IL1RN: variants seen among roughly 807,000 people sequenced by gnomAD.
The protein encoded by IL1RN is interleukin 1 receptor antagonist.
A neutral mutation model predicts 13.7 loss-of-function variants in IL1RN; 10 were observed. The observed-to-expected ratio is 0.73, with a 90% CI of 0.45 to 1.24. The LOEUF (loss-of-function observed/expected upper bound fraction) is 1.24, where lower values mean the gene tolerates loss of function less well. IL1RN is among the 50% of genes most tolerant of loss of function. The pLI is 0.00. For synonymous variants in IL1RN, 102 were observed against 82.7 expected (o/e 1.23, Z -1.27); for missense variants, 213 against 222.1 (o/e 0.96, Z 0.26).
chr2:113,120,159 A>T, intron 2 of IL1RN: 1 of 1,497,738 alleles, frequency 6.7e-7, no homozygotes, highest in African/African-American at 1.4e-5. Context: ...AAGTTTGAAA[A>T]CAATTTTAGG....
chr2:113,132,681 A>C lies in IL1RN; in HGVS notation c.344A>C (p.Glu115Ala). ...GCAGTTAACATCACTGACCTGAGCG[A>C]GAACAGAAAGCAGGACAAGCGCTTC... ...LEAVNITDLS[E>A]NRKQDKRFAF... The change falls in exon 4 of 4, where the codon GAG becomes GCG. Residue 115 changes from glutamate (E) to alanine (A), a missense_variant. Coordinates refer to ENST00000409930, the MANE Select transcript of IL1RN (RefSeq NM_173842.3). The C allele has an allele frequency of 6.2e-7, 1 of 1,614,212 alleles. No homozygotes were observed. Among genetic ancestry groups the C allele is most frequent in the Non-Finnish European group, 8.5e-7 (1 of 1,180,030 alleles).
chr2:113,107,961 G>A (rs932641513), upstream of IL1RN, among the ~76,000 whole-genome samples: 4 of 152,110 alleles, frequency 2.6e-5, no homozygotes, highest in African/African-American at 9.7e-5. Flanking sequence ...CTAAAGTCTG[G>A]TATATTAGTT....
chr2:113,110,400 G>T (rs1049937841), upstream of IL1RN, among the ~76,000 whole-genome samples: 1 of 152,124 alleles, frequency 6.6e-6, no homozygotes, highest in Admixed American at 6.5e-5. Context: ...AAATTTCTCT[G>T]ATCAATCACA....
chr2:113,105,347 A>C (rs936686231), upstream of IL1RN, among the ~76,000 whole-genome samples: 2 of 152,228 alleles, frequency 1.3e-5, no homozygotes, highest in African/African-American at 4.8e-5. Context: ...ATTATATATC[A>C]TCTCTCATGA....
chr2:113,122,598 AC>A (rs1558865025), upstream of IL1RN, among the ~76,000 whole-genome samples: 1 of 152,144 alleles, frequency 6.6e-6, no homozygotes, highest in African/African-American at 2.4e-5. Flanking sequence ...AGAGTCAATG[AC>A]CCTATCCAAG....
Position 113,132,654 on chromosome 2 carries a change from A to G in IL1RN, c.319-2A>G. The G allele has an allele frequency of 5.0e-6, 8 of 1,613,910 alleles. No individual in the cohort carries two copies. The highest frequency in any genetic ancestry group is 6.8e-6 in the Non-Finnish European group (8 of 1,179,784). The stretch of plus-strand genomic sequence containing the variant: ...CTCACCTGCCCATCTTTTGATTTCC[A>G]GGCAGTTAACATCACTGACCTGAGC... On this transcript the variant is annotated splice_acceptor_variant, in intron 3 of 3. Transcript: ENST00000409930. LOFTEE classifies it high-confidence loss of function.
chr2:113,125,529 T>C (rs1177144634), upstream of IL1RN, among the ~76,000 whole-genome samples: 1 of 152,262 alleles, frequency 6.6e-6, no homozygotes, highest in African/African-American at 2.4e-5. Flanking sequence ...GCAGAAATGT[T>C]CTATTTCCTC....
the IL1RN span, among the ~76,000 whole-genome samples, chr2:113,100,812 C>G: frequency 6.6e-6 from 1 of 152,140 alleles, no homozygotes; most frequent in Non-Finnish European, 1.5e-5. Context: ...TCCAAGTGAC[C>G]TGTGAGGAGG....
At chr2:113,103,298 T>A (rs1686341934), upstream of IL1RN, among the ~76,000 whole-genome samples, 1 of 152,154 alleles carries the variant, frequency 6.6e-6, no homozygotes, top group African/African-American at 2.4e-5. Context: ...CTAGAGTCAA[T>A]TAAAGTGTTA....
chr2:113,100,601 C>T, the IL1RN span, among the ~76,000 whole-genome samples: 8 of 152,210 alleles, frequency 5.3e-5, no homozygotes, highest in African/African-American at 1.9e-4. Context: ...GCACTTCTAT[C>T]ACTCTATCGC....
chr2:113,117,834 A>G (rs1686630995), upstream of IL1RN: 4 of 683,514 alleles, frequency 5.9e-6, no homozygotes, highest in Admixed American at 2.3e-5. Flanking sequence ...ACCCTCTGTG[A>G]GTGTGTGGGA....
intron 1 of IL1RN, among the ~76,000 whole-genome samples, chr2:113,128,717 G>A (rs979607173): frequency 3.3e-5 from 5 of 152,188 alleles, no homozygotes; most frequent in Admixed American, 6.5e-5. Flanking sequence ...TCGAGCATGT[G>A]GGCTCTTCAG....
At chr2:113,121,674 AT>A in intron 2 of IL1RN, 1 of 859,460 alleles carries the variant, frequency 1.2e-6, no homozygotes, top group Non-Finnish European at 1.4e-6. Context: ...TAACAGTTGG[AT>A]TATATACCAT....
At chr2:113,129,773 C>G in intron 2 of IL1RN, 109 bp downstream of exon 2, 1 of 784,810 alleles carries the variant, frequency 1.3e-6, no homozygotes, top group South Asian at 1.4e-5. Context: ...TGTCCTAATC[C>G]TTGTTGGGTC....
chr2:113,126,107 T>A (rs1425420969), upstream of IL1RN, among the ~76,000 whole-genome samples: 1 of 152,194 alleles, frequency 6.6e-6, no homozygotes, highest in Non-Finnish European at 1.5e-5. Context: ...CCAGCCATCA[T>A]TTTTGAAACA....
chr2:113,101,213 C>T, the IL1RN span, among the ~76,000 whole-genome samples: 4 of 152,148 alleles, frequency 2.6e-5, no homozygotes, highest in Non-Finnish European at 4.4e-5. Flanking sequence ...TTAAAGTTGT[C>T]TTCGCTGGTT....
At chr2:113,116,244 C>T (rs1039434953), upstream of IL1RN, among the ~76,000 whole-genome samples, 5 of 152,216 alleles carry the variant, frequency 3.3e-5, no homozygotes, top group African/African-American at 1.2e-4. Context: ...ATCAGGCTAT[C>T]CTGGCAGGTT....
At chr2:113,120,933 G>T (rs1269046827) in intron 2 of IL1RN, among the ~76,000 whole-genome samples, 4 of 152,136 alleles carry the variant, frequency 2.6e-5, no homozygotes, top group African/African-American at 9.7e-5. Context: ...TGGAGCAAGT[G>T]AGTTAATCTT....
intron 3 of IL1RN, 87 bp downstream of exon 3, chr2:113,131,244 C>A: frequency 1.2e-6 from 1 of 813,446 alleles, no homozygotes; most frequent in Non-Finnish European, 2.2e-6. Context: ...TGTGGGTTGA[C>A]CAGGATTAGC....
Sources: allele counts gnomAD v4.1 joint callset (sites outside exome capture counted in the v4.1 genomes callset), GRCh38; gene constraint gnomAD v4.1.1; transcripts MANE v1.5; gene names NCBI Gene and HGNC (gene_info 2026-07-23, HGNC 2026-07-21).